Variants in ADAM10 observed in about 807,000 individuals in gnomAD.
ADAM10 encodes ADAM metallopeptidase domain 10.
In ADAM10, 17 loss-of-function variants were observed where a neutral mutation model predicts 90.1. The observed-to-expected ratio is 0.19, with a 90% confidence interval of 0.13 to 0.28. ADAM10 has a LOEUF of 0.28. ADAM10 is among the 10% of genes least tolerant of loss of function. The probability of loss-of-function intolerance (pLI) is 1.00; values close to 1 mark genes in which losing one functional copy is unlikely to be tolerated. For missense variants in ADAM10, 610 were observed against 914.3 expected (o/e 0.67, Z 4.29); for synonymous variants, 310 against 298.6 (o/e 1.04, Z -0.40).
intron 5 of ADAM10, among the ~76,000 whole-genome samples, chr15:58,660,625 C>T (rs1896943311): frequency 1.3e-5 from 2 of 152,258 alleles, no homozygotes; most frequent in South Asian, 4.2e-4. Context: ...AAACTTACCA[C>T]CTTGCTATTT....
At chr15:58,598,537 G>C (rs1457244276) in intron 15 of ADAM10, among the ~76,000 whole-genome samples, 1 of 152,226 alleles carries the variant, frequency 6.6e-6, no homozygotes, top group Non-Finnish European at 1.5e-5. Context: ...AAAAGTGTAA[G>C]AAACCTAGTT....
chr15:58,717,042 T>C (rs1898683298), intron 2 of ADAM10, among the ~76,000 whole-genome samples: 1 of 152,156 alleles, frequency 6.6e-6, no homozygotes, highest in South Asian at 2.1e-4. Flanking sequence ...AGAAAATGCA[T>C]ATAAAGCATC....
intron 3 of ADAM10, among the ~76,000 whole-genome samples, chr15:58,681,594 T>C (rs866673841): frequency 6.6e-6 from 1 of 152,206 alleles, no homozygotes; most frequent in Non-Finnish European, 1.5e-5. Context: ...TTTTCATTTT[T>C]TAAGCTTTTT....
chr15:58,615,633 A>G (rs1446706576), intron 11 of ADAM10, among the ~76,000 whole-genome samples: 1 of 152,198 alleles, frequency 6.6e-6, no homozygotes, highest in Non-Finnish European at 1.5e-5. Flanking sequence ...AAGGAACAGA[A>G]GAAGATATTT....
chr15:58,667,110 C>G (rs1235107835), intron 4 of ADAM10, among the ~76,000 whole-genome samples: 1 of 152,106 alleles, frequency 6.6e-6, no homozygotes, highest in Non-Finnish European at 1.5e-5. Context: ...TGTAGTTCCC[C>G]TGAAAAGGCC....
chr15:58,725,922 G>C (rs1899013472), intron 1 of ADAM10, among the ~76,000 whole-genome samples: 1 of 152,118 alleles, frequency 6.6e-6, no homozygotes, highest in Non-Finnish European at 1.5e-5. Flanking sequence ...TAATAGAAAT[G>C]ATAAAGTTTT....
At chr15:58,677,047 G>A (rs1171528402) in intron 4 of ADAM10, among the ~76,000 whole-genome samples, 2 of 152,106 alleles carry the variant, frequency 1.3e-5, no homozygotes, top group African/African-American at 4.8e-5. Context: ...ACTAATACAT[G>A]AATGTTTTCT....
chr15:58,639,626 A>G (rs1189941874), intron 8 of ADAM10, among the ~76,000 whole-genome samples: 1 of 152,240 alleles, frequency 6.6e-6, no homozygotes, highest in Non-Finnish European at 1.5e-5. Flanking sequence ...GTACTGCACT[A>G]TTAATATGCA....
intron 6 of ADAM10, among the ~76,000 whole-genome samples, chr15:58,644,698 G>A (rs1896505589): frequency 6.6e-6 from 1 of 152,168 alleles, no homozygotes; most frequent in Non-Finnish European, 1.5e-5. Context: ...TGATGGCTCA[G>A]GACACACAGT....
chr15:58,667,994 G>A (rs1037979581), intron 4 of ADAM10, among the ~76,000 whole-genome samples: 1 of 151,988 alleles, frequency 6.6e-6, no homozygotes, highest in Non-Finnish European at 1.5e-5. Context: ...CTTTCCACAA[G>A]CACTCACAAC....
At chr15:58,735,205 T>C (rs1209501786) in intron 1 of ADAM10, among the ~76,000 whole-genome samples, 1 of 152,208 alleles carries the variant, frequency 6.6e-6, no homozygotes, top group Non-Finnish European at 1.5e-5. Flanking sequence ...CCTGATTCCC[T>C]AGTTCCAAGC....
intron 2 of ADAM10, chr15:58,692,906 G>C (rs1432867336): frequency 1.4e-6 from 1 of 694,804 alleles, no homozygotes; most frequent in Non-Finnish European, 2.7e-6. Context: ...TTATTTATGA[G>C]ATCAGCCTTG....
intron 14 of ADAM10, among the ~76,000 whole-genome samples, chr15:58,606,541 T>C (rs1174905045): frequency 6.6e-6 from 1 of 152,220 alleles, no homozygotes; most frequent in Non-Finnish European, 1.5e-5. Flanking sequence ...ACAATATCAT[T>C]ATATCTTTGT....
intron 11 of ADAM10, among the ~76,000 whole-genome samples, chr15:58,617,363 T>G (rs1895646964): frequency 6.6e-6 from 1 of 152,014 alleles, no homozygotes; most frequent in South Asian, 2.1e-4. Flanking sequence ...ACATACAACT[T>G]ACCAAGATTG....
At chr15:58,642,372 G>A (rs2140689017) in intron 7 of ADAM10, among the ~76,000 whole-genome samples, 1 of 152,086 alleles carries the variant, frequency 6.6e-6, no homozygotes, top group South Asian at 2.1e-4. Context: ...GGCTGAGGTG[G>A]GAGAATCGCT....
At chr15:58,692,588 G>A (rs750550042) in intron 2 of ADAM10, 3 of 555,034 alleles carry the variant, frequency 5.4e-6, no homozygotes, top group Non-Finnish European at 1.1e-5. Context: ...AACTGAGGGT[G>A]CTTCTTCACT....
chr15:58,746,632 C>T (rs2140856274), intron 1 of ADAM10, among the ~76,000 whole-genome samples: 1 of 152,190 alleles, frequency 6.6e-6, no homozygotes, highest in East Asian at 1.9e-4. Context: ...AGGAATTGGC[C>T]AGTCAGGGTG....
At chr15:58,664,018 C>T (rs2140727181) in intron 5 of ADAM10, among the ~76,000 whole-genome samples, 2 of 152,182 alleles carry the variant, frequency 1.3e-5, no homozygotes, top group Admixed American at 1.3e-4. Context: ...ACTACAACAA[C>T]TTCTCATTAG....
chr15:58,638,459 TA>T (rs1285417780), intron 8 of ADAM10, among the ~76,000 whole-genome samples: 1 of 150,530 alleles, frequency 6.6e-6, no homozygotes, highest in South Asian at 2.1e-4. Context: ...ACTAAAAATA[TA>T]AAAAATTAGC....
Sources: gnomAD v4.1 joint callset for allele counts (sites outside exome capture counted in the v4.1 genomes callset) on GRCh38, gnomAD v4.1.1 for gene constraint, MANE v1.5 for transcripts, NCBI Gene and HGNC (gene_info 2026-07-23, HGNC 2026-07-21) for gene names.